The following PLCE1 variants were observed in gnomAD, a reference collection of about 807,000 sequenced individuals.
PLCE1 encodes the protein phospholipase C epsilon 1, also known as 1-phosphatidylinositol 4,5-bisphosphate phosphodiesterase epsilon-1.
In PLCE1, 119 loss-of-function variants were observed where a neutral mutation model predicts 242.8. The observed-to-expected ratio is 0.49, with a 90% CI of 0.42 to 0.57. The LOEUF (loss-of-function observed/expected upper bound fraction) is 0.57. PLCE1 is among the 20% of genes least tolerant of loss of function. PLCE1 has a pLI of 0.00. For missense variants in PLCE1, 2,441 were observed against 2,788.8 expected (o/e 0.88, Z 2.81); for synonymous variants, 945 against 1,017.4 (o/e 0.93, Z 1.35).
At chr10:94,135,793 T>A (rs151210876) in intron 3 of PLCE1, among the ~76,000 whole-genome samples, 1 of 152,340 alleles carries the variant, frequency 6.6e-6, no homozygotes, top group Non-Finnish European at 1.5e-5. Context: ...TTATTAAAGA[T>A]GAGTAAAGAG....
chr10:94,220,377 T>TATATTC (rs1491507642), intron 4 of PLCE1, among the ~76,000 whole-genome samples: 40 of 2,574 alleles, frequency 0.016, no homozygotes, highest in African/African-American at 0.032. Flanking sequence ...CTAAACATTT[T>TATATTC]ATATATATAT....
At chr10:94,291,286 G>A (rs2052637162) in intron 22 of PLCE1, among the ~76,000 whole-genome samples, 1 of 152,114 alleles carries the variant, frequency 6.6e-6, no homozygotes, top group Admixed American at 6.5e-5. Context: ...ACTGCATCTG[G>A]TTCTGGAGTT....
chr10:94,027,481 G>A (rs1031910443), intron 1 of PLCE1, among the ~76,000 whole-genome samples: 11 of 152,138 alleles, frequency 7.2e-5, no homozygotes, highest in Non-Finnish European at 8.8e-5. Flanking sequence ...CCATTGCTTC[G>A]ATGTCTGTGT....
At chr10:94,237,805 T>C (rs773058394) in intron 7 of PLCE1, among the ~76,000 whole-genome samples, 19 of 152,314 alleles carry the variant, frequency 1.2e-4, no homozygotes, top group Non-Finnish European at 2.4e-4. Flanking sequence ...TGGGAATCCA[T>C]TCCTGATTGA....
intron 2 of PLCE1, among the ~76,000 whole-genome samples, chr10:94,112,502 C>T (rs911292050): frequency 6.6e-5 from 10 of 152,214 alleles, no homozygotes; most frequent in African/African-American, 2.4e-4. Context: ...GTGTATCATG[C>T]TGGGCATGGC....
At chr10:94,282,811 C>T (rs2052289537) in intron 20 of PLCE1, among the ~76,000 whole-genome samples, 1 of 152,268 alleles carries the variant, frequency 6.6e-6, no homozygotes, top group Non-Finnish European at 1.5e-5. Context: ...TACTGCCTCC[C>T]CTGCTCCTAA....
At chr10:94,082,315 ACATAATCCTAAGCTTCCTAG>A (rs1421670304) in intron 2 of PLCE1, 17 of 152,346 alleles carry the variant, frequency 1.1e-4, no homozygotes, top group Admixed American at 1.1e-3. Context: ...TTTGGCCACC[ACATAATCCTAAGCTTCCTAG>A]CAACTGAAGC....
intron 2 of PLCE1, among the ~76,000 whole-genome samples, chr10:94,034,057 A>G (rs1190846460): frequency 6.6e-6 from 1 of 152,162 alleles, no homozygotes; most frequent in Non-Finnish European, 1.5e-5. Context: ...CAGAAGGCAG[A>G]AGAGGAGCAA....
At chr10:94,316,853 T>C in intron 29 of PLCE1, 97 bp downstream of exon 29, 1 of 865,396 alleles carries the variant, frequency 1.2e-6, no homozygotes, top group South Asian at 1.4e-5. Context: ...TTTCTTGTAA[T>C]TGCAACTTGG....
intron 4 of PLCE1, among the ~76,000 whole-genome samples, chr10:94,182,240 G>C (rs904981557): frequency 6.6e-6 from 1 of 151,756 alleles, no homozygotes; most frequent in Non-Finnish European, 1.5e-5. Context: ...AAATGTAATG[G>C]GTTGTTTTCC....
chr10:94,308,705 G>A lies in PLCE1; in HGVS notation c.6003+6G>A, dbSNP rs373388957. ...ATACCATGTCAGCCTCTTCGGTAATGAAGTTCTGTTTCACTCAACATATTT... is the reference window on the plus strand; with the variant it reads ...ATACCATGTCAGCCTCTTCGGTAATAAAGTTCTGTTTCACTCAACATATTT... On this transcript the variant is annotated splice_donor_region_variant and intron_variant, in intron 27 of 32. Transcript: ENST00000371380. The A allele has an allele frequency of 8.4e-6, 13 of 1,554,246 alleles. No homozygotes were observed. The African/African-American group carries it at 1.4e-4, about 16-fold the overall frequency.
intron 11 of PLCE1, among the ~76,000 whole-genome samples, chr10:94,256,268 G>A (rs1445960723): frequency 7.0e-6 from 1 of 143,016 alleles, no homozygotes; most frequent in African/African-American, 2.6e-5. Flanking sequence ...CGGCTGCAGT[G>A]AGCCATAATC....
chr10:94,242,526 G>T (rs2137446555), intron 7 of PLCE1, among the ~76,000 whole-genome samples: 1 of 152,238 alleles, frequency 6.6e-6, no homozygotes, highest in Non-Finnish European at 1.5e-5. Context: ...CGCCAGGCTG[G>T]TCTTGAACTC....
chr10:94,274,013 G>A (rs545757906), intron 19 of PLCE1, among the ~76,000 whole-genome samples: 1 of 152,278 alleles, frequency 6.6e-6, no homozygotes, highest in Non-Finnish European at 1.5e-5. Flanking sequence ...GAGCTTAGGG[G>A]GTTGTTCATC....
In PLCE1 at chr10:94,026,388, C is replaced by T. The variant is rs560826154; in HGVS notation, c.-364-4295C>T. On this transcript the variant is annotated intron_variant, in intron 1 of 32. Coordinates refer to ENST00000371380, the MANE Select transcript of PLCE1 (RefSeq NM_016341.4). Reference sequence around the variant, plus strand: ...TATTTTTAGCCCACACAACCTTTGACCTCTCCCAGGCTGGCACTTATCCAA... The same window carrying T: ...TATTTTTAGCCCACACAACCTTTGATCTCTCCCAGGCTGGCACTTATCCAA... Among the ~76,000 whole-genome samples, 4 of 152,216 alleles carry T rather than the reference C, an allele frequency of 2.6e-5. No individual in the cohort carries two copies. The South Asian group carries it at 8.3e-4, about 32-fold the overall frequency.
chr10:94,236,870 C>CTT (rs543287807), intron 7 of PLCE1, among the ~76,000 whole-genome samples: 1 of 152,058 alleles, frequency 6.6e-6, no homozygotes, highest in Middle Eastern at 3.2e-3. Context: ...CTCTCTCTCT[C>CTT]GGCATCTATG....
At chr10:94,171,936 C>T (rs927580513) in intron 4 of PLCE1, among the ~76,000 whole-genome samples, 1 of 152,268 alleles carries the variant, frequency 6.6e-6, no homozygotes, top group East Asian at 1.9e-4. Flanking sequence ...TCAGCAGAAA[C>T]ACCTAGGTCA....
At chr10:94,300,834 G>A (rs761455927) in intron 24 of PLCE1, among the ~76,000 whole-genome samples, 15 of 151,438 alleles carry the variant, frequency 9.9e-5, no homozygotes, top group South Asian at 4.2e-4. Flanking sequence ...GCCGAGGTGG[G>A]TGGATCACTT....
chr10:94,271,149 AC>A, intron 18 of PLCE1, among the ~76,000 whole-genome samples: 1 of 151,822 alleles, frequency 6.6e-6, no homozygotes, highest in South Asian at 2.1e-4. Context: ...TGGTCTCCTT[AC>A]CCTTTCCAGA....
Sources: gnomAD v4.1 joint callset for allele counts (sites outside exome capture counted in the v4.1 genomes callset) on GRCh38, gnomAD v4.1.1 for gene constraint, MANE v1.5 for transcripts, NCBI Gene and HGNC (gene_info 2026-07-23, HGNC 2026-07-21) for gene names.